Variants in GSAP observed in about 807,000 individuals in gnomAD.
The protein encoded by GSAP is gamma-secretase-activating protein.
Under a neutral mutation model 131.7 loss-of-function variants are expected in GSAP, and 118 were observed. The ratio of observed to expected loss-of-function variants is 0.90; its 90% CI spans 0.77 to 1.04. The LOEUF is 1.04. Ranked by LOEUF, GSAP falls within the 50% of genes least tolerant of loss-of-function variation. The pLI is 0.00. For missense variants in GSAP, 1,019 were observed against 1,013.2 expected (o/e 1.01, Z -0.08); for synonymous variants, 381 against 363.4 (o/e 1.05, Z -0.55).
At chr7:77,314,272 C>T in intron 27 of GSAP, 98 bp downstream of exon 27, 2 of 1,279,678 alleles carry the variant, frequency 1.6e-6, no homozygotes, top group Non-Finnish European at 1.1e-6. Flanking sequence ...CTGAGTGCAG[C>T]CAGGCTCTTG....
intron 26 of GSAP, among the ~76,000 whole-genome samples, chr7:77,317,501 A>G (rs983774560): frequency 5.3e-5 from 8 of 152,214 alleles, no homozygotes; most frequent in African/African-American, 1.9e-4. Context: ...CGTTGTGCAC[A>G]TGTACCCTAG....
chr7:77,344,721 T>C (rs909937304), intron 19 of GSAP, among the ~76,000 whole-genome samples: 1 of 152,176 alleles, frequency 6.6e-6, no homozygotes, highest in African/African-American at 2.4e-5. Context: ...ACTCCAATAC[T>C]TTCACCCTGA....
intron 8 of GSAP, among the ~76,000 whole-genome samples, chr7:77,378,420 G>C (rs1445873677): frequency 6.6e-6 from 1 of 151,914 alleles, no homozygotes; most frequent in African/African-American, 2.4e-5. Flanking sequence ...ACAGGCGGAG[G>C]TTACAGTGAG....
chr7:77,349,365 A>T lies in GSAP; in HGVS notation c.1531T>A (p.Leu511Met), dbSNP rs1317581472. 3.1e-6 allele frequency: 5 copies of T among 1,612,150 alleles called. No individual in the cohort carries two copies. The highest frequency in any genetic ancestry group is 1.3e-5 in the African/African-American group (1 of 75,008). The change falls in exon 19 of 31, where the codon TTG becomes ATG. Residue 511 changes from leucine to methionine, a missense_variant. Transcript: ENST00000257626. ...AAGGGACCTACCTTCATAAGAGGCA[A>T]TGCAATGTCTTCTGTCACAAGAGTT... ...GITLVTEDIA[L>M]PLMKVLSFKG...
rs1240049957 is a variant in GSAP at position 77,362,605 on chromosome 7, A to G, written c.927T>C (p.Tyr309=). ...PKCASWGQIT[Y]SVFYIHKGHS... ...TACCTTTATGAATGTAAAACACTGA[A>G]TATGTGATTTGTCCCCAAGAGGCAC... Residue 309 remains tyrosine, a synonymous_variant, in exon 13 of 31, where the codon TAT becomes TAC. Transcript: ENST00000257626. 2 of 1,569,048 alleles carry G rather than the reference A, an allele frequency of 1.3e-6. No individual in the cohort carries two copies. The highest frequency in any genetic ancestry group is 8.8e-7 in the Non-Finnish European group (1 of 1,139,828).
chr7:77,360,105 G>A (rs1036532689), intron 14 of GSAP, among the ~76,000 whole-genome samples: 1 of 152,196 alleles, frequency 6.6e-6, no homozygotes, highest in Admixed American at 6.5e-5. Context: ...TGGATGGACT[G>A]TGGAATAGGG....
chr7:77,339,867 T>C (rs1458554281), intron 19 of GSAP, among the ~76,000 whole-genome samples: 1 of 152,170 alleles, frequency 6.6e-6, no homozygotes, highest in Non-Finnish European at 1.5e-5. Flanking sequence ...TAAATGAAAA[T>C]ACACAATGTT....
rs771273598 is a variant in GSAP at position 77,374,120 on chromosome 7, C to T, written c.821G>A (p.Arg274Gln). 11 of 1,591,758 alleles carry T rather than the reference C, an allele frequency of 6.9e-6. No homozygotes were observed. In the Admixed American group the frequency reaches 8.5e-5, roughly 12 times the overall value. ...VNFGCDYHQYRDKFSKHLTLC... is the reference protein window; with the variant it reads ...VNFGCDYHQYQDKFSKHLTLC... ...AGTCAGGTGTTTGGAAAATTTATCTCGGTATTGATGATAATCACATCCAAA... is the reference window on the plus strand; with the variant it reads ...AGTCAGGTGTTTGGAAAATTTATCTTGGTATTGATGATAATCACATCCAAA... The change falls in exon 12 of 31, where the codon CGA (arginine) becomes CAA (glutamine). Residue 274 changes from arginine to glutamine, a missense_variant. Arg to Gln is a conservative substitution (Grantham distance 43). Coordinates refer to ENST00000257626, the MANE Select transcript of GSAP (RefSeq NM_017439.4).
rs1268775568 is a variant in GSAP at position 77,355,328 on chromosome 7, A to G, written c.1223T>C (p.Leu408Pro). Residue 408 changes from leucine (L) to proline (P), a missense_variant, in exon 16 of 31, where the codon CTC becomes CCC. Leu to Pro is a moderately conservative substitution (Grantham distance 98). Transcript: ENST00000257626. Reference sequence around the variant, plus strand: ...AAGCTGTAATAAAGACGACTGGCTGAGCAGTGCTCTATAGAGCTTTCCAGA... The same window carrying G: ...AAGCTGTAATAAAGACGACTGGCTGGGCAGTGCTCTATAGAGCTTTCCAGA... ...CCSGKLYRAL[L>P]SQSSLLQLLQ... 6.2e-7 allele frequency: 1 copy of G among 1,613,346 alleles called. No homozygotes were observed. Among genetic ancestry groups the G allele is most frequent in the Admixed American group, 1.7e-5 (1 of 59,988 alleles).
Position 77,379,353 on chromosome 7 carries a change from G to A in GSAP, c.576+1952C>T, listed in dbSNP as rs548440869. On this transcript the variant is annotated intron_variant, in intron 8 of 30. Transcript: ENST00000257626. The stretch of plus-strand genomic sequence containing the variant: ...GCAGGGATGTTGCAAAGAATATGTG[G>A]AATTGCATATTCTTTGCAACATCCC... Among the ~76,000 whole-genome samples the A allele has an allele frequency of 2.0e-5, 3 of 150,636 alleles. No homozygotes were observed. The South Asian group carries it at 6.4e-4, about 32-fold the overall frequency.
At chr7:77,314,656 A>C in intron 26 of GSAP, 167 bp from the exon 27 acceptor site, 1 of 637,166 alleles carries the variant, frequency 1.6e-6, no homozygotes, top group Non-Finnish European at 2.7e-6. Flanking sequence ...TATTATTCGT[A>C]ACTAAATATC....
At chr7:77,328,706 A>T (rs1788668691) in intron 21 of GSAP, 69 bp from the exon 22 acceptor site, 1 of 900,282 alleles carries the variant, frequency 1.1e-6, no homozygotes, top group Non-Finnish European at 1.8e-6. Context: ...CACATCATAC[A>T]AAGATATCCT....
intron 5 of GSAP, among the ~76,000 whole-genome samples, chr7:77,389,195 GAACT>G (rs1237650953): frequency 6.6e-6 from 1 of 151,638 alleles, no homozygotes; most frequent in Non-Finnish European, 1.5e-5. Flanking sequence ...TAAATAGCAC[GAACT>G]GACATTTTTT....
At chr7:77,386,566 T>G (rs1159334763) in intron 6 of GSAP, among the ~76,000 whole-genome samples, 1 of 152,220 alleles carries the variant, frequency 6.6e-6, no homozygotes, top group Non-Finnish European at 1.5e-5. Context: ...TAGTAACTCA[T>G]GCCTGAATGA....
chr7:77,410,640 G>A (rs1330879381), intron 1 of GSAP, among the ~76,000 whole-genome samples: 1 of 152,188 alleles, frequency 6.6e-6, no homozygotes, highest in African/African-American at 2.4e-5. Flanking sequence ...TAAAACAAAA[G>A]CTGGTTGGCC....
At chr7:77,380,913 C>G (rs1266535940) in intron 8 of GSAP, among the ~76,000 whole-genome samples, 1 of 152,148 alleles carries the variant, frequency 6.6e-6, no homozygotes, top group Non-Finnish European at 1.5e-5. Context: ...TACTCCTGAT[C>G]TTTTTACCTG....
intron 12 of GSAP, among the ~76,000 whole-genome samples, chr7:77,371,991 A>C (rs1796188786): frequency 1.3e-5 from 2 of 151,988 alleles, no homozygotes; most frequent in South Asian, 4.1e-4. Context: ...TAGCATCACT[A>C]ACAGTAGGAT....
At chr7:77,390,199 A>G (rs1799252270) in intron 5 of GSAP, among the ~76,000 whole-genome samples, 1 of 152,040 alleles carries the variant, frequency 6.6e-6, no homozygotes, top group Non-Finnish European at 1.5e-5. Context: ...TTGTCAGATG[A>G]GTAGGTTGCG....
In GSAP at chr7:77,404,584, T is replaced by A. The variant is rs1369951935; in HGVS notation, c.218A>T (p.Tyr73Phe). Residue 73 changes from tyrosine to phenylalanine, a missense_variant, in exon 3 of 31, where the codon TAT becomes TTT. Transcript: ENST00000257626. ...DDKGNVVFGLYDCQTRQNELL... is the reference protein window; with the variant it reads ...DDKGNVVFGLFDCQTRQNELL... ...CTCATTTTGTCTGGTTTGACAATCA[T>A]ATAATCCAAAGACGACATTTCCCTT... 10 of 1,559,962 alleles carry A rather than the reference T, an allele frequency of 6.4e-6. No individual in the cohort carries two copies. Among genetic ancestry groups the A allele is most frequent in the Non-Finnish European group, 7.9e-6 (9 of 1,132,720 alleles).
Sources: allele counts gnomAD v4.1 joint callset (sites outside exome capture counted in the v4.1 genomes callset), GRCh38; gene constraint gnomAD v4.1.1; transcripts MANE v1.5; gene names NCBI Gene and HGNC (gene_info 2026-07-23, HGNC 2026-07-21).